FCHSD2: variants seen among roughly 807,000 people sequenced by gnomAD.
The protein encoded by FCHSD2 is FCH and double SH3 domains 2.
Under a neutral mutation model 108.1 loss-of-function variants are expected in FCHSD2, and 38 were observed. The ratio of observed to expected loss-of-function variants is 0.35; its 90% confidence interval spans 0.27 to 0.46. FCHSD2 has a LOEUF of 0.46. Ranked by LOEUF, FCHSD2 falls within the 20% of genes least tolerant of loss-of-function variation. The pLI is 1.00. For synonymous variants in FCHSD2, 279 were observed against 314.7 expected (o/e 0.89, Z 1.20); for missense variants, 751 against 897.8 (o/e 0.84, Z 2.09).
chr11:73,088,623 C>G (rs964469956), intron 2 of FCHSD2, among the ~76,000 whole-genome samples: 1 of 151,962 alleles, frequency 6.6e-6, no homozygotes, highest in Non-Finnish European at 1.5e-5. Flanking sequence ...AAAAAAAATG[C>G]ACATTCATAA....
chr11:72,992,116 T>C (rs1210283230), intron 5 of FCHSD2, among the ~76,000 whole-genome samples: 3 of 151,982 alleles, frequency 2.0e-5, no homozygotes, highest in Admixed American at 2.0e-4. Flanking sequence ...TATACACCAA[T>C]AACAGACAAA....
intron 12 of FCHSD2, among the ~76,000 whole-genome samples, chr11:72,886,846 A>G (rs1255754260): frequency 1.3e-5 from 2 of 152,190 alleles, no homozygotes; most frequent in Admixed American, 6.5e-5. Context: ...AGCCTCAGGC[A>G]TAAGAACTCT....
chr11:72,940,405 A>C (rs926567988), intron 8 of FCHSD2: 1 of 506,760 alleles, frequency 2.0e-6, no homozygotes, highest in African/African-American at 1.9e-5. Flanking sequence ...TAAAGGAAAT[A>C]ATATATGTAA....
At chr11:72,993,010 C>T (rs1318149914) in intron 5 of FCHSD2, among the ~76,000 whole-genome samples, 1 of 152,188 alleles carries the variant, frequency 6.6e-6, no homozygotes, top group Non-Finnish European at 1.5e-5. Context: ...ATCTACTCAT[C>T]TGACAAAGGG....
chr11:72,859,710 C>G (rs1861520187), intron 13 of FCHSD2, among the ~76,000 whole-genome samples: 1 of 152,124 alleles, frequency 6.6e-6, no homozygotes, highest in Non-Finnish European at 1.5e-5. Flanking sequence ...GGGTCCTCCT[C>G]AAGACTTTGG....
At chr11:73,100,658 C>T (rs997991753) in intron 2 of FCHSD2, among the ~76,000 whole-genome samples, 1 of 152,052 alleles carries the variant, frequency 6.6e-6, no homozygotes, top group African/African-American at 2.4e-5. Flanking sequence ...CCACCGTGAT[C>T]GGCCTACATA....
chr11:73,025,587 C>T (rs927301577), intron 3 of FCHSD2, among the ~76,000 whole-genome samples: 2 of 151,920 alleles, frequency 1.3e-5, no homozygotes, highest in Admixed American at 6.6e-5. Flanking sequence ...CCACAACCCC[C>T]GATGACACAA....
In FCHSD2 at chr11:72,849,908, C is replaced by T; in HGVS notation, c.1309-19G>A. ...CATTAAGCTAAGAAAAATTAGAAAC[C>T]ATTGGCTAGTTTCCTTACTTCAAGA... On this transcript the variant is annotated intron_variant, in intron 13 of 19. Transcript: ENST00000409418. The T allele has an allele frequency of 6.2e-7, 1 of 1,601,146 alleles. No individual in the cohort carries two copies. The highest frequency in any genetic ancestry group is 8.5e-7 in the Non-Finnish European group (1 of 1,174,028).
At chr11:73,123,358 A>G (rs756315726) in intron 2 of FCHSD2, among the ~76,000 whole-genome samples, 5 of 152,250 alleles carry the variant, frequency 3.3e-5, no homozygotes, top group Non-Finnish European at 7.3e-5. Context: ...TCTGAAATGC[A>G]TATCAAACAA....
At chr11:72,860,174 T>C (rs961157794) in intron 13 of FCHSD2, among the ~76,000 whole-genome samples, 11 of 152,204 alleles carry the variant, frequency 7.2e-5, no homozygotes, top group Admixed American at 7.2e-4. Context: ...TAATGCTCCC[T>C]CTCTGGCCAC....
intron 12 of FCHSD2, among the ~76,000 whole-genome samples, chr11:72,884,143 T>C (rs1234612541): frequency 1.3e-5 from 2 of 152,160 alleles, no homozygotes; most frequent in African/African-American, 2.4e-5. Flanking sequence ...TGATTCTTTA[T>C]GTGATGAAAA....
Position 72,860,941 on chromosome 11 carries a change from A to G in FCHSD2, c.1308+6924T>C, listed in dbSNP as rs918488922. ...AGGGAAATGTTTAGCACTTAATGCC[A>G]ATATTCAAAAAGAAGAAAACTCTCA... On this transcript the variant is annotated intron_variant, in intron 13 of 19. Coordinates refer to ENST00000409418, the MANE Select transcript of FCHSD2 (RefSeq NM_014824.3). Among the ~76,000 whole-genome samples, 35 of 152,252 alleles carry G rather than the reference A, an allele frequency of 2.3e-4. 1 individual carries two copies. Among genetic ancestry groups the G allele is most frequent in the African/African-American group, 8.0e-4 (33 of 41,476 alleles).
chr11:72,884,951 G>A (rs1565305306), intron 12 of FCHSD2, among the ~76,000 whole-genome samples: 1 of 151,950 alleles, frequency 6.6e-6, no homozygotes, highest in Non-Finnish European at 1.5e-5. Context: ...CAATAATGAG[G>A]ACTCACATTT....
chr11:73,011,924 G>A (rs1186148248), intron 4 of FCHSD2, among the ~76,000 whole-genome samples: 1 of 152,038 alleles, frequency 6.6e-6, no homozygotes, highest in Non-Finnish European at 1.5e-5. Flanking sequence ...CTTCTTAGTG[G>A]AGGAGGTACG....
At chr11:73,039,792 T>C (rs996116659) in intron 3 of FCHSD2, among the ~76,000 whole-genome samples, 2 of 152,194 alleles carry the variant, frequency 1.3e-5, no homozygotes, top group Non-Finnish European at 2.9e-5. Context: ...ACTTTAAGTG[T>C]TTAATTATTC....
intron 2 of FCHSD2, among the ~76,000 whole-genome samples, chr11:73,135,904 C>A (rs1861109822): frequency 6.6e-6 from 1 of 152,136 alleles, no homozygotes; most frequent in African/African-American, 2.4e-5. Flanking sequence ...TGGCTCATTT[C>A]TGTAATCCCA....
chr11:72,867,723 G>T, intron 13 of FCHSD2, 142 bp downstream of exon 13: 2 of 642,056 alleles, frequency 3.1e-6, no homozygotes, highest in Non-Finnish European at 5.2e-6. Flanking sequence ...AAATCAATTA[G>T]TGATAGGCTG....
chr11:73,130,283 G>A (rs1228139745), intron 2 of FCHSD2, among the ~76,000 whole-genome samples: 1 of 152,112 alleles, frequency 6.6e-6, no homozygotes, highest in African/African-American at 2.4e-5. Flanking sequence ...GTCTTGCTAA[G>A]TTGCCCAGGC....
chr11:73,130,745 C>A (rs1466146829), intron 2 of FCHSD2, among the ~76,000 whole-genome samples: 2 of 152,176 alleles, frequency 1.3e-5, no homozygotes, highest in Non-Finnish European at 2.9e-5. Context: ...GCCTAGTTAG[C>A]ATCTCCTTTT....
Sources: allele counts gnomAD v4.1 joint callset (sites outside exome capture counted in the v4.1 genomes callset), GRCh38; gene constraint gnomAD v4.1.1; transcripts MANE v1.5; gene names NCBI Gene and HGNC (gene_info 2026-07-23, HGNC 2026-07-21).